Variants in OTOF observed in about 807,000 individuals in gnomAD.
OTOF encodes the protein fer-1-like family member 2.
In OTOF, 218 loss-of-function variants were observed where a neutral mutation model predicts 236.8. The observed-to-expected ratio is 0.92, with a 90% CI of 0.82 to 1.03. OTOF has a LOEUF of 1.03. Ranked by LOEUF, OTOF falls within the 50% of genes least tolerant of loss-of-function variation. OTOF has a pLI of 0.00. For missense variants in OTOF, 2,590 were observed against 2,694.4 expected (o/e 0.96, Z 0.86); for synonymous variants, 1,041 against 1,072.5 (o/e 0.97, Z 0.57).
chr2:26,474,142 G>T, intron 26 of OTOF, 32 bp from the exon 27 acceptor site: 1 of 1,612,286 alleles, frequency 6.2e-7, no homozygotes, highest in South Asian at 1.1e-5. Context: ...TCACACACTG[G>T]GGAGCCCAGG....
At chr2:26,543,861 C>T (rs1043464385) in intron 1 of OTOF, among the ~76,000 whole-genome samples, 2 of 152,206 alleles carry the variant, frequency 1.3e-5, no homozygotes, top group African/African-American at 2.4e-5. Context: ...GAATTACAGG[C>T]GTGTGCCACC....
At position 26,477,881 on chromosome 2, in the gene OTOF, T is replaced by C; in HGVS notation, c.2215-132A>G. On this transcript the variant is annotated intron_variant, in intron 18 of 46. Transcript: ENST00000272371. The surrounding 1 kb of genome is among the most constrained non-coding windows in gnomAD (Gnocchi z 4.7). Reference sequence around the variant, plus strand: ...GAGCTCTCGCTAGGGCCATCCTGAGTATCGGTCATCATGAGGAAGTCATCA... The same window carrying C: ...GAGCTCTCGCTAGGGCCATCCTGAGCATCGGTCATCATGAGGAAGTCATCA... 6.5e-7 allele frequency: 1 copy of C among 1,547,342 alleles called. No homozygotes were observed. The highest frequency in any genetic ancestry group is 1.2e-5 in the South Asian group (1 of 84,132).
chr2:26,504,783 C>T (rs1666206249), intron 5 of OTOF, among the ~76,000 whole-genome samples: 1 of 152,158 alleles, frequency 6.6e-6, no homozygotes, highest in South Asian at 2.1e-4. Flanking sequence ...TCCATTACCC[C>T]ATCCATATTG....
intron 8 of OTOF, among the ~76,000 whole-genome samples, chr2:26,496,587 C>G (rs1159649585): frequency 6.6e-6 from 1 of 150,882 alleles, no homozygotes; most frequent in African/African-American, 2.4e-5. Context: ...GAGAGAGAGA[C>G]AGAGAGAGAG....
At chr2:26,521,791 C>G (rs1572474060) in intron 3 of OTOF, among the ~76,000 whole-genome samples, 1 of 152,226 alleles carries the variant, frequency 6.6e-6, no homozygotes. Context: ...TGGGCTCACT[C>G]AGCAGGACCC....
chr2:26,474,234 G>T, intron 26 of OTOF, 124 bp from the exon 27 acceptor site: 1 of 1,329,346 alleles, frequency 7.5e-7, no homozygotes, highest in Non-Finnish European at 1.0e-6. Flanking sequence ...CCCCAGCTTT[G>T]GTCAGGATGG....
At position 26,477,960 on chromosome 2, in the gene OTOF, T is replaced by C. The variant is rs1353681871; in HGVS notation, c.2215-211A>G. 6.8e-7 allele frequency: 1 copy of C among 1,469,200 alleles called. No individual in the cohort carries two copies. Among genetic ancestry groups the C allele is most frequent in the African/African-American group, 1.4e-5 (1 of 70,054 alleles). 91.0% of individuals were successfully genotyped at this position (1,469,200 alleles called of 1,614,324 possible). ...GAGATGTTGGTGTTCATGGGGGTTC[T>C]TCAGTTCCTGAAGGAAGAAGCCACC... On this transcript the variant is annotated intron_variant, in intron 18 of 46. Coordinates refer to ENST00000272371, the MANE Select transcript of OTOF (RefSeq NM_194248.3). This position sits in a 1 kb window ranked among gnomAD's most constrained non-coding sequence, Gnocchi z 4.7.
In OTOF at chr2:26,473,999, G is replaced by A. The variant is rs199848801; in HGVS notation, c.3400C>T (p.Arg1134Ter). ...MGIRPVLSKY[R>*]VEVLFWGLRD... Reference sequence around the variant, plus strand: ...ACACAGAGCCCTCGCACCTCCACTCGGTACTTGCTGAGCACGGGCCGGATG... The same window carrying A: ...ACACAGAGCCCTCGCACCTCCACTCAGTACTTGCTGAGCACGGGCCGGATG... The change falls in exon 27 of 47, where the codon CGA becomes TGA. Residue 1134 changes from arginine to a stop codon, truncating the protein, a stop_gained. Transcript: ENST00000272371. LOFTEE classifies it high-confidence loss of function. The surrounding 1 kb of genome is among the most constrained non-coding windows in gnomAD (Gnocchi z 7.2). 160 of 1,612,920 alleles carry A rather than the reference G, an allele frequency of 9.9e-5. No homozygotes were observed. Among genetic ancestry groups the A allele is most frequent in the Non-Finnish European group, 1.3e-4 (157 of 1,179,874 alleles).
intron 8 of OTOF, among the ~76,000 whole-genome samples, chr2:26,496,257 T>A (rs960548981): frequency 7.2e-6 from 1 of 139,260 alleles, no homozygotes; most frequent in African/African-American, 2.9e-5. Context: ...TTTTTCACAC[T>A]GAGTCTCTCT....
intron 30 of OTOF, among the ~76,000 whole-genome samples, chr2:26,471,521 C>T (rs185828172): frequency 6.6e-6 from 1 of 152,308 alleles, no homozygotes; most frequent in East Asian, 1.9e-4. Flanking sequence ...AAGGAGCTTC[C>T]ACCTGGAAAT....
chr2:26,457,786 G>C lies in OTOF; in HGVS notation c.*452C>G, dbSNP rs1032724584. 3.9e-6 allele frequency: 2 copies of C among 516,876 alleles called. No homozygotes were observed. Among genetic ancestry groups the C allele is most frequent in the Admixed American group, 6.7e-5 (2 of 29,794 alleles). The allele number at this position is 516,876 out of a possible 1,614,324, so 32.0% of individuals were successfully genotyped here. A position where few individuals can be genotyped will look rare whatever the true frequency, so the allele number is the denominator to read the frequency against. ...GGCGCCTCAGCCAGGTGGGGCAAGAGAGACCCATTCCAGGTCCCCACCCCA... is the reference window on the plus strand; with the variant it reads ...GGCGCCTCAGCCAGGTGGGGCAAGACAGACCCATTCCAGGTCCCCACCCCA... On this transcript the variant is annotated 3_prime_UTR_variant, in exon 47 of 47. Coordinates refer to ENST00000272371, the MANE Select transcript of OTOF (RefSeq NM_194248.3). The surrounding 1 kb of genome is among the most constrained non-coding windows in gnomAD (Gnocchi z 4.4).
intron 1 of OTOF, among the ~76,000 whole-genome samples, chr2:26,545,002 C>T (rs1667296581): frequency 6.7e-6 from 1 of 150,160 alleles, no homozygotes. Context: ...GATCACACCA[C>T]TGCACTCCAG....
chr2:26,550,686 TC>T (rs1667437731), intron 1 of OTOF, among the ~76,000 whole-genome samples: 1 of 152,006 alleles, frequency 6.6e-6, no homozygotes, highest in Non-Finnish European at 1.5e-5. Context: ...TGTCACTCAC[TC>T]CCCTGATCCC....
At chr2:26,491,834 G>A (rs751216673) in intron 9 of OTOF, among the ~76,000 whole-genome samples, 2 of 152,236 alleles carry the variant, frequency 1.3e-5, no homozygotes, top group Non-Finnish European at 2.9e-5. Context: ...CAGCCCCAGG[G>A]GAGCGAGCTA....
chr2:26,529,418 C>T (rs551581421), intron 2 of OTOF, among the ~76,000 whole-genome samples: 5 of 152,210 alleles, frequency 3.3e-5, no homozygotes, highest in East Asian at 1.9e-4. Context: ...GAATGCTCTA[C>T]GTGCATATTC....
At chr2:26,465,177 C>A (rs1664668884) in intron 38 of OTOF, 148 bp from the exon 39 acceptor site, 3 of 661,782 alleles carry the variant, frequency 4.5e-6, no homozygotes, top group Non-Finnish European at 7.3e-6. Flanking sequence ...CCAGGCTCAC[C>A]TGAGACACTA....
intron 3 of OTOF, among the ~76,000 whole-genome samples, chr2:26,525,717 G>A (rs1232016583): frequency 6.6e-6 from 1 of 152,040 alleles, no homozygotes; most frequent in Non-Finnish European, 1.5e-5. Context: ...ATGGATGGAA[G>A]GAAGGATGAT....
At chr2:26,555,126 G>A (rs1667555216) in intron 1 of OTOF, among the ~76,000 whole-genome samples, 1 of 152,204 alleles carries the variant, frequency 6.6e-6, no homozygotes, top group Non-Finnish European at 1.5e-5. Context: ...AACTATCTCA[G>A]GAGTTGATAA....
At chr2:26,504,226 G>C (rs1247269839) in intron 5 of OTOF, among the ~76,000 whole-genome samples, 4 of 152,212 alleles carry the variant, frequency 2.6e-5, no homozygotes, top group African/African-American at 9.6e-5. Context: ...AGCCCTGCCA[G>C]TGTCCCCACG....
Sources: allele counts gnomAD v4.1 joint callset (sites outside exome capture counted in the v4.1 genomes callset), GRCh38; gene constraint gnomAD v4.1.1; non-coding constraint Gnocchi (gnomAD v3.1); transcripts MANE v1.5; gene names NCBI Gene and HGNC (gene_info 2026-07-23, HGNC 2026-07-21).